The following SLIT2 variants were observed in gnomAD, a reference collection of about 807,000 sequenced individuals.
The protein encoded by SLIT2 is slit homolog 2 protein.
Under a neutral mutation model 185.7 loss-of-function variants are expected in SLIT2, and 41 were observed. That is an observed-to-expected ratio of 0.22 (90% CI 0.17 to 0.29). SLIT2 has a LOEUF of 0.29. SLIT2 is among the 10% of genes least tolerant of loss of function. The pLI is 1.00. For synonymous variants in SLIT2, 693 were observed against 680.2 expected (o/e 1.02, Z -0.29); for missense variants, 1,571 against 1,909.0 (o/e 0.82, Z 3.30).
chr4:20,520,298 A>G (rs1407116243), intron 12 of SLIT2, among the ~76,000 whole-genome samples: 3 of 152,212 alleles, frequency 2.0e-5, no homozygotes, highest in African/African-American at 7.2e-5. Context: ...ATTTAACACC[A>G]TGTGTTTTAA....
intron 4 of SLIT2, among the ~76,000 whole-genome samples, chr4:20,291,360 C>T (rs1448327476): frequency 1.3e-5 from 2 of 148,238 alleles, no homozygotes; most frequent in African/African-American, 2.5e-5. Flanking sequence ...ACACTACATA[C>T]GAGTATTTGG....
At chr4:20,325,346 G>A (rs934387955) in intron 4 of SLIT2, among the ~76,000 whole-genome samples, 1 of 137,328 alleles carries the variant, frequency 7.3e-6, no homozygotes, top group Non-Finnish European at 1.5e-5. Flanking sequence ...CCACTCACCT[G>A]TGGCCAATGG....
At chr4:20,539,088 A>C (rs553749000) in intron 18 of SLIT2, among the ~76,000 whole-genome samples, 1 of 152,238 alleles carries the variant, frequency 6.6e-6, no homozygotes, top group South Asian at 2.1e-4. Context: ...GAATACACAA[A>C]TCACAGGGCT....
At position 20,252,854 on chromosome 4, in the gene SLIT2, C is replaced by G. The variant is rs1284048439; in HGVS notation, c.-962C>G. 1.3e-5 allele frequency among the ~76,000 whole-genome samples: 2 copies of G among 152,208 alleles called. No individual in the cohort carries two copies. Among genetic ancestry groups the G allele is most frequent in the Non-Finnish European group, 2.9e-5 (2 of 68,038 alleles). On this transcript the variant is annotated 5_prime_UTR_variant, in exon 1 of 37. Transcript: ENST00000504154. ...TGCCTTTCCACTCCTTCCGGTCTGC[C>G]TGGTTTTTAAGTCCGCCCCCAGTCA...
intron 12 of SLIT2, among the ~76,000 whole-genome samples, chr4:20,522,122 TCAC>T (rs1720894722): frequency 6.6e-6 from 1 of 152,118 alleles, no homozygotes; most frequent in Admixed American, 6.5e-5. Context: ...CTTCAGACCA[TCAC>T]CAAAGGGACC....
intron 4 of SLIT2, among the ~76,000 whole-genome samples, chr4:20,286,783 C>G (rs1270227985): frequency 1.3e-5 from 2 of 152,168 alleles, no homozygotes; most frequent in Non-Finnish European, 2.9e-5. Flanking sequence ...GCATGGGCAA[C>G]AGAGCAAGAC....
At chr4:20,422,167 T>A (rs182891667) in intron 4 of SLIT2, among the ~76,000 whole-genome samples, 177 of 152,238 alleles carry the variant, frequency 1.2e-3, no homozygotes, top group Middle Eastern at 0.01. Context: ...CACAAAAAAA[T>A]TGCAAATTGC....
At chr4:20,399,449 G>A (rs768950046) in intron 4 of SLIT2, among the ~76,000 whole-genome samples, 8 of 151,476 alleles carry the variant, frequency 5.3e-5, no homozygotes, top group Admixed American at 2.6e-4. Flanking sequence ...TATATAATAG[G>A]GCTAATAATG....
At chr4:20,423,603 T>C (rs1728329191) in intron 4 of SLIT2, among the ~76,000 whole-genome samples, 1 of 152,158 alleles carries the variant, frequency 6.6e-6, no homozygotes, top group Middle Eastern at 3.4e-3. Context: ...CCACAAGAGG[T>C]CTGCCTTTGA....
At chr4:20,480,924 A>C in intron 6 of SLIT2, 137 bp downstream of exon 6, 1 of 669,218 alleles carries the variant, frequency 1.5e-6, no homozygotes, top group Non-Finnish European at 2.6e-6. Context: ...ACTCATGGTG[A>C]ATACAGAGAA....
intron 4 of SLIT2, among the ~76,000 whole-genome samples, chr4:20,317,821 T>A (rs1718729464): frequency 6.6e-6 from 1 of 151,986 alleles, no homozygotes; most frequent in African/African-American, 2.4e-5. Flanking sequence ...AAAATTCTCA[T>A]TAGAGGATAA....
intron 4 of SLIT2, among the ~76,000 whole-genome samples, chr4:20,291,492 A>ATTTTT (rs1157453738): frequency 2.2e-4 from 4 of 18,264 alleles, no homozygotes; most frequent in South Asian, 2.0e-3. Context: ...ATATATATAT[A>ATTTTT]TTTTTTTTTT....
intron 12 of SLIT2, among the ~76,000 whole-genome samples, chr4:20,520,033 CAA>C (rs34644308): frequency 8.3e-4 from 57 of 68,368 alleles, no homozygotes; most frequent in African/African-American, 1.8e-3. Context: ...GACTCCGTCT[CAA>C]AAAAAAAAAA....
At position 20,553,706 on chromosome 4, in the gene SLIT2, G is replaced by T. The variant is rs1031422423; in HGVS notation, c.2562-99G>T. On this transcript the variant is annotated intron_variant, in intron 25 of 36. Coordinates refer to ENST00000504154, the MANE Select transcript of SLIT2 (RefSeq NM_004787.4). ...GCTGAGCATCACTTTGAATTCTTTTGCCCTTAGGAAATAACAATACTTCCA... is the reference window on the plus strand; with the variant it reads ...GCTGAGCATCACTTTGAATTCTTTTTCCCTTAGGAAATAACAATACTTCCA... The T allele has an allele frequency of 4.4e-6, 5 of 1,124,676 alleles. No individual in the cohort carries two copies. The African/African-American group carries it at 8.0e-5, about 18-fold the overall frequency. The allele number at this position is 1,124,676 out of a possible 1,614,324, so 69.7% of individuals were successfully genotyped here.
intron 26 of SLIT2, among the ~76,000 whole-genome samples, chr4:20,559,529 T>C (rs1306065329): frequency 6.6e-6 from 1 of 151,998 alleles, no homozygotes; most frequent in Non-Finnish European, 1.5e-5. Context: ...TATGACAGTT[T>C]AGACTGGATA....
intron 4 of SLIT2, among the ~76,000 whole-genome samples, chr4:20,427,573 G>C (rs889499442): frequency 6.6e-5 from 10 of 152,222 alleles, no homozygotes; most frequent in African/African-American, 2.4e-4. Flanking sequence ...ACGGCTGCAG[G>C]CCAGTGTTCT....
intron 6 of SLIT2, among the ~76,000 whole-genome samples, chr4:20,485,794 C>T (rs1473411415): frequency 1.3e-5 from 2 of 152,118 alleles, no homozygotes; most frequent in African/African-American, 4.8e-5. Context: ...AATATTAATT[C>T]AAATACGTTC....
At chr4:20,551,833 C>T (rs574467480) in intron 25 of SLIT2, among the ~76,000 whole-genome samples, 3 of 152,280 alleles carry the variant, frequency 2.0e-5, no homozygotes, top group African/African-American at 7.2e-5. Flanking sequence ...CAAAAATATA[C>T]ATATGATTGG....
rs774407859 is a variant in SLIT2 at position 20,254,044 on chromosome 4, C to T, written c.179+50C>T. Reference sequence around the variant, plus strand: ...CCTCTCCCCATCCGGGCCGCGCACCCCTGCCTCCACTGGAGGAACCTGTCA... The same window carrying T: ...CCTCTCCCCATCCGGGCCGCGCACCTCTGCCTCCACTGGAGGAACCTGTCA... On this transcript the variant is annotated intron_variant, in intron 1 of 36. Transcript: ENST00000504154. This position sits in a 1 kb window ranked among gnomAD's most constrained non-coding sequence, Gnocchi z 5.1. The T allele has an allele frequency of 1.9e-6, 3 of 1,555,850 alleles. No homozygotes were observed. Among genetic ancestry groups the T allele is most frequent in the East Asian group, 2.3e-5 (1 of 44,416 alleles).
Sources: allele counts gnomAD v4.1 joint callset (sites outside exome capture counted in the v4.1 genomes callset), GRCh38; gene constraint gnomAD v4.1.1; non-coding constraint Gnocchi (gnomAD v3.1); transcripts MANE v1.5; gene names NCBI Gene and HGNC (gene_info 2026-07-23, HGNC 2026-07-21).